The following CCDC192 variants were observed in gnomAD, a reference collection of about 807,000 sequenced individuals.
CCDC192 encodes the protein coiled-coil domain-containing protein 192.
At chr5:127,895,727 T>A (rs923049676) in intron 6 of CCDC192, among the ~76,000 whole-genome samples, 1 of 151,904 alleles carries the variant, frequency 6.6e-6, no homozygotes, top group Non-Finnish European at 1.5e-5. Context: ...GTAGTCCCAG[T>A]TACTCAGGAG....
chr5:127,902,399 CAT>C (rs1753062051), intron 6 of CCDC192, among the ~76,000 whole-genome samples: 1 of 151,016 alleles, frequency 6.6e-6, no homozygotes, highest in South Asian at 2.1e-4. Flanking sequence ...ACATTCACAA[CAT>C]GTTTGTTAAA....
chr5:127,895,655 C>T (rs1752859165), intron 6 of CCDC192, among the ~76,000 whole-genome samples: 1 of 152,118 alleles, frequency 6.6e-6, no homozygotes, highest in Non-Finnish European at 1.5e-5. Context: ...GCCTGGCCAA[C>T]ATGACAAAAC....
At chr5:127,899,950 C>G (rs947245575) in intron 6 of CCDC192, among the ~76,000 whole-genome samples, 4 of 152,188 alleles carry the variant, frequency 2.6e-5, no homozygotes, top group African/African-American at 9.7e-5. Context: ...CCTTCAGATT[C>G]CCAAAGAAAA....
intron 2 of CCDC192, among the ~76,000 whole-genome samples, chr5:127,739,128 T>C (rs2126835310): frequency 6.6e-6 from 1 of 152,226 alleles, no homozygotes; most frequent in East Asian, 1.9e-4. Context: ...TCCTTTCTGT[T>C]TGTTAGTTTT....
intron 6 of CCDC192, among the ~76,000 whole-genome samples, chr5:127,893,370 G>C (rs1310533807): frequency 6.6e-6 from 1 of 152,168 alleles, no homozygotes; most frequent in African/African-American, 2.4e-5. Context: ...TGGGAGCAAT[G>C]CACATATAAA....
intron 2 of CCDC192, among the ~76,000 whole-genome samples, chr5:127,732,648 GAGTACTATGCAGTCATAAAA>G (rs1264921311): frequency 1.3e-5 from 2 of 152,176 alleles, no homozygotes; most frequent in Non-Finnish European, 2.9e-5. Flanking sequence ...ATACACCATG[GAGTACTATGCAGTCATAAAA>G]AGGAATGAGA....
chr5:127,727,550 A>G (rs1752402692), intron 2 of CCDC192, among the ~76,000 whole-genome samples: 1 of 152,160 alleles, frequency 6.6e-6, no homozygotes, highest in South Asian at 2.1e-4. Flanking sequence ...GTCCCCACAA[A>G]AACCCCATCC....
chr5:127,709,201 GGGAGAGAGAGAGAGAGAGAGA>G (rs1561438658), intron 2 of CCDC192, among the ~76,000 whole-genome samples: 3 of 101,018 alleles, frequency 3.0e-5, no homozygotes, highest in African/African-American at 1.1e-4. Context: ...TGGAGAGAGG[GGGAGAGAGAGAGAGAGAGAGA>G]GAGAGAGAGA....
chr5:127,870,539 G>A (rs1751807392), intron 5 of CCDC192, among the ~76,000 whole-genome samples: 1 of 152,192 alleles, frequency 6.6e-6, no homozygotes, highest in Non-Finnish European at 1.5e-5. Context: ...ATACAACAAG[G>A]ATTAGGTCCA....
At chr5:127,771,619 CAGGT>C (rs1755558127) in intron 3 of CCDC192, among the ~76,000 whole-genome samples, 1 of 152,122 alleles carries the variant, frequency 6.6e-6, no homozygotes, top group Non-Finnish European at 1.5e-5. Flanking sequence ...GGCTTTGTGA[CAGGT>C]AGGCGTGATA....
chr5:127,860,496 T>G lies in CCDC192; in HGVS notation c.412-15042T>G, dbSNP rs13358633. Among the ~76,000 whole-genome samples the G allele has an allele frequency of 1.0e-3, 159 of 152,326 alleles. 1 individual carries two copies. The highest frequency in any genetic ancestry group is 3.8e-3 in the African/African-American group (159 of 41,578). Reference sequence around the variant, plus strand: ...TGTTCAATTCTTGCTAAATGCCCACTTGACATTCCCAGGTTAAATACCACT... The same window carrying G: ...TGTTCAATTCTTGCTAAATGCCCACGTGACATTCCCAGGTTAAATACCACT... On this transcript the variant is annotated intron_variant, in intron 5 of 6. Coordinates refer to ENST00000514853, the MANE Select transcript of CCDC192 (RefSeq NM_001317938.2).
At chr5:127,744,998 GT>G (rs1271787498) in intron 2 of CCDC192, among the ~76,000 whole-genome samples, 3 of 152,202 alleles carry the variant, frequency 2.0e-5, no homozygotes, top group Non-Finnish European at 4.4e-5. Flanking sequence ...TGCATGAAAA[GT>G]ATTGCTCAAA....
intron 6 of CCDC192, among the ~76,000 whole-genome samples, chr5:127,883,411 T>A (rs974719417): frequency 1.3e-5 from 2 of 152,228 alleles, no homozygotes; most frequent in African/African-American, 4.8e-5. Flanking sequence ...TTTCTAAATA[T>A]GATAAATTCC....
chr5:127,883,603 A>AG (rs1561538278), intron 6 of CCDC192, among the ~76,000 whole-genome samples: 5 of 152,210 alleles, frequency 3.3e-5, no homozygotes, highest in Admixed American at 3.3e-4. Context: ...TCCTGATTTC[A>AG]GAACTTCCCG....
At chr5:127,709,953 C>T (rs1751226347) in intron 2 of CCDC192, among the ~76,000 whole-genome samples, 1 of 152,006 alleles carries the variant, frequency 6.6e-6, no homozygotes, top group African/African-American at 2.4e-5. Flanking sequence ...AGAGGTAACC[C>T]TCTCATGGAC....
chr5:127,836,513 CAG>C (rs1750041821), intron 5 of CCDC192, among the ~76,000 whole-genome samples: 1 of 152,212 alleles, frequency 6.6e-6, no homozygotes, highest in South Asian at 2.1e-4. Context: ...ACTGCCCTAG[CAG>C]AGATTCTCCA....
At chr5:127,885,865 A>G (rs1338157611) in intron 6 of CCDC192, among the ~76,000 whole-genome samples, 2 of 152,160 alleles carry the variant, frequency 1.3e-5, no homozygotes. Context: ...TTCTAAAGAT[A>G]CACTGGCTTG....
chr5:127,795,556 G>T (rs2126964674), intron 3 of CCDC192, among the ~76,000 whole-genome samples: 1 of 152,036 alleles, frequency 6.6e-6, no homozygotes, highest in Admixed American at 6.5e-5. Context: ...AACTTGCTGA[G>T]ATCACACAGA....
chr5:127,920,615 T>C (rs570231342), intron 6 of CCDC192, among the ~76,000 whole-genome samples: 4 of 152,058 alleles, frequency 2.6e-5, no homozygotes, highest in South Asian at 2.1e-4. Context: ...TTCACCATGT[T>C]GGCCAGGCTG....
Sources: gnomAD v4.1 joint callset for allele counts (sites outside exome capture counted in the v4.1 genomes callset) on GRCh38, gnomAD v4.1.1 for gene constraint, MANE v1.5 for transcripts, NCBI Gene and HGNC (gene_info 2026-07-23, HGNC 2026-07-21) for gene names.